The following GPC5 variants were observed in gnomAD, a reference collection of about 807,000 sequenced individuals.
GPC5 encodes the protein glypican-5.
In GPC5, 47 loss-of-function variants were observed where a neutral mutation model predicts 53.9. The ratio of observed to expected loss-of-function variants is 0.87; its 90% CI spans 0.69 to 1.11. GPC5 has a LOEUF of 1.11. GPC5 is among the 50% of genes most tolerant of loss of function. The pLI is 0.00. For missense variants in GPC5, 748 were observed against 713.1 expected (o/e 1.05, Z -0.56); for synonymous variants, 286 against 263.3 (o/e 1.09, Z -0.84).
At chr13:92,636,128 G>T (rs1431452683) in intron 7 of GPC5, among the ~76,000 whole-genome samples, 1 of 152,148 alleles carries the variant, frequency 6.6e-6, no homozygotes, top group Non-Finnish European at 1.5e-5. Flanking sequence ...CTGAAGTTTG[G>T]ATGATCTCCA....
In GPC5 at chr13:92,047,231, AT is replaced by A. The variant is rs879860701; in HGVS notation, c.1402-97591del. Among the ~76,000 whole-genome samples, 79 of 151,996 alleles carry A rather than the reference AT, an allele frequency of 5.2e-4. 1 individual carries two copies. Among genetic ancestry groups the A allele is most frequent in the South Asian group, 1.2e-3 (6 of 4,818 alleles). On this transcript the variant is annotated intron_variant, in intron 6 of 7. Transcript: ENST00000377067. ...AAGATGGTTTAGATCATCCCTGATC[AT>A]TTTTTTTATAACAAAATAGATTGCA...
At chr13:91,518,779 T>A (rs771908729) in intron 2 of GPC5, among the ~76,000 whole-genome samples, 17 of 152,216 alleles carry the variant, frequency 1.1e-4, no homozygotes, top group South Asian at 2.1e-4. Context: ...GGACTCGATC[T>A]CCTGACCTTG....
chr13:92,355,289 TA>T lies in GPC5; in HGVS notation c.1561+210311del, dbSNP rs386380217. ...ATGAAGAAAATAGTTTATATAAAGCTAAAAAAAAAAAGAGCTCCATAACCTT... is the reference window on the plus strand; with the variant it reads ...ATGAAGAAAATAGTTTATATAAAGCTAAAAAAAAAAGAGCTCCATAACCTT... On this transcript the variant is annotated intron_variant, in intron 7 of 7. Transcript: ENST00000377067. Among the ~76,000 whole-genome samples the T allele has an allele frequency of 1.9e-3, 265 of 143,218 alleles. 1 individual carries two copies. The highest frequency in any genetic ancestry group is 1.8e-3 in the Non-Finnish European group (115 of 64,926). The allele number at this position is 143,218 out of a possible 152,430, so 94.0% of individuals were successfully genotyped here. A position where few individuals can be genotyped will look rare whatever the true frequency, so the allele number is the denominator to read the frequency against.
intron 6 of GPC5, among the ~76,000 whole-genome samples, chr13:92,056,229 C>G (rs112323314): frequency 6.6e-6 from 1 of 152,110 alleles, no homozygotes; most frequent in African/African-American, 2.4e-5. Flanking sequence ...CTGCTTTCCT[C>G]GGCTCCTGAC....
chr13:91,813,518 A>G (rs2038347633), intron 5 of GPC5, among the ~76,000 whole-genome samples: 2 of 152,222 alleles, frequency 1.3e-5, no homozygotes, highest in Non-Finnish European at 2.9e-5. Context: ...ATTCTTTCAC[A>G]AGGTGGTTGG....
chr13:91,463,436 T>A (rs1265089749), intron 2 of GPC5, among the ~76,000 whole-genome samples: 10 of 152,242 alleles, frequency 6.6e-5, no homozygotes, highest in Admixed American at 5.2e-4. Context: ...GCATGTTAAT[T>A]GTAGTGTTTG....
intron 7 of GPC5, among the ~76,000 whole-genome samples, chr13:92,669,503 A>G (rs1301330744): frequency 1.3e-5 from 2 of 152,132 alleles, no homozygotes; most frequent in Non-Finnish European, 2.9e-5. Context: ...TGTTTGCTGT[A>G]TATCGTCGGC....
At chr13:92,738,430 G>A (rs1460224890) in intron 7 of GPC5, among the ~76,000 whole-genome samples, 1 of 151,980 alleles carries the variant, frequency 6.6e-6, no homozygotes, top group Non-Finnish European at 1.5e-5. Flanking sequence ...TTTTTAAAAT[G>A]TAATATTTTC....
intron 7 of GPC5, among the ~76,000 whole-genome samples, chr13:92,376,662 T>C (rs933523433): frequency 6.6e-6 from 1 of 151,984 alleles, no homozygotes; most frequent in South Asian, 2.1e-4. Context: ...AATTTTGAGG[T>C]TGGATCCAAA....
intron 7 of GPC5, among the ~76,000 whole-genome samples, chr13:92,456,592 AAG>A (rs1374095696): frequency 1.3e-5 from 2 of 152,170 alleles, no homozygotes; most frequent in East Asian, 3.9e-4. Context: ...GACTGTGACA[AAG>A]AGAACATTCA....
At chr13:91,859,982 C>T (rs938651466) in intron 5 of GPC5, among the ~76,000 whole-genome samples, 4 of 151,962 alleles carry the variant, frequency 2.6e-5, no homozygotes, top group African/African-American at 9.7e-5. Flanking sequence ...TGTTTCAATA[C>T]ACATAGTGTA....
At chr13:91,624,876 A>G (rs2033957117) in intron 2 of GPC5, among the ~76,000 whole-genome samples, 1 of 151,870 alleles carries the variant, frequency 6.6e-6, no homozygotes, top group Non-Finnish European at 1.5e-5. Context: ...TATATAACCA[A>G]ATAAGCTCAA....
At chr13:92,308,857 A>T (rs1444788739) in intron 7 of GPC5, among the ~76,000 whole-genome samples, 1 of 152,072 alleles carries the variant, frequency 6.6e-6, no homozygotes, top group Admixed American at 6.6e-5. Context: ...TTATGGTTCA[A>T]TTGACTTTCT....
intron 7 of GPC5, among the ~76,000 whole-genome samples, chr13:92,843,088 C>A (rs1425705245): frequency 6.6e-6 from 1 of 152,064 alleles, no homozygotes; most frequent in Non-Finnish European, 1.5e-5. Context: ...AAATTATTTT[C>A]AATAACTGAA....
At chr13:92,438,577 A>C (rs1031799814) in intron 7 of GPC5, among the ~76,000 whole-genome samples, 1 of 151,984 alleles carries the variant, frequency 6.6e-6, no homozygotes, top group African/African-American at 2.4e-5. Context: ...TGTATGTTTT[A>C]AAAATGTAAT....
At chr13:92,115,073 A>G (rs2041589644) in intron 6 of GPC5, among the ~76,000 whole-genome samples, 1 of 152,252 alleles carries the variant, frequency 6.6e-6, no homozygotes, top group African/African-American at 2.4e-5. Context: ...ATAAAAGGAC[A>G]TTCATAAATA....
intron 7 of GPC5, among the ~76,000 whole-genome samples, chr13:92,816,129 A>T (rs1346442790): frequency 6.6e-6 from 1 of 152,030 alleles, no homozygotes; most frequent in African/African-American, 2.4e-5. Flanking sequence ...CTAGATTCTG[A>T]AATGTATCCA....
At chr13:92,144,247 A>G (rs1396296428) in intron 6 of GPC5, among the ~76,000 whole-genome samples, 1 of 152,202 alleles carries the variant, frequency 6.6e-6, no homozygotes, top group East Asian at 1.9e-4. Flanking sequence ...TTCTTAAATG[A>G]TTTGTAGAAA....
chr13:92,484,441 C>T (rs1453030659), intron 7 of GPC5, among the ~76,000 whole-genome samples: 1 of 152,102 alleles, frequency 6.6e-6, no homozygotes, highest in Admixed American at 6.6e-5. Flanking sequence ...GTATTATGTA[C>T]TATACATAAT....
Sources: allele counts gnomAD v4.1 joint callset (sites outside exome capture counted in the v4.1 genomes callset), GRCh38; gene constraint gnomAD v4.1.1; transcripts MANE v1.5; gene names NCBI Gene and HGNC (gene_info 2026-07-23, HGNC 2026-07-21).